TNFSF9: variants seen among roughly 807,000 people sequenced by gnomAD.
TNFSF9 encodes TNF superfamily member 9, also known as tumor necrosis factor ligand superfamily member 9.
Under a neutral mutation model 10.3 loss-of-function variants are expected in TNFSF9, and 10 were observed. The ratio of observed to expected loss-of-function variants is 0.97; its 90% CI spans 0.60 to 1.65. The LOEUF is 1.65. Among genes scored for constraint, TNFSF9 ranks in the 40% most tolerant of loss-of-function variants. The pLI is 0.00. For missense variants in TNFSF9, 361 were observed against 348.9 expected, an observed-to-expected ratio of 1.03 and a Z score of -0.28; for synonymous variants, 195 against 176.1, an observed-to-expected ratio of 1.11 and a Z score of -0.85.
At position 6,532,791 on chromosome 19, in the gene TNFSF9, G is replaced by A. The variant is rs1300662571; in HGVS notation, c.273G>A (p.Met91Ile). The A allele has an allele frequency of 1.9e-6, 3 of 1,613,678 alleles. No individual in the cohort carries two copies. Among genetic ancestry groups the A allele is most frequent in the African/African-American group, 2.7e-5 (2 of 74,880 alleles). The change falls in exon 2 of 3, where the codon ATG becomes ATA. Residue 91 changes from methionine to isoleucine, a missense_variant. Physicochemically the swap from Met to Ile is conservative, Grantham distance 10. Transcript: ENST00000245817. ...CTCCTTTCTACTTTTAACAGGGCAT[G>A]TTTGCGCAGCTGGTGGCCCAAAATG... ...PAGLLDLRQG[M>I]FAQLVAQNVL...
chr19:6,531,036 C>T lies in TNFSF9; in HGVS notation c.-1C>T. 6.2e-7 allele frequency: 1 copy of T among 1,608,856 alleles called. No individual in the cohort carries two copies. Among genetic ancestry groups the T allele is most frequent in the South Asian group, 1.1e-5 (1 of 90,968 alleles). ...GCTGTGTCTTCCCGCAGTCTCTCGT[C>T]ATGGAATACGCCTCTGACGCTTCAC... On this transcript the variant is annotated 5_prime_UTR_variant, in exon 1 of 3. Transcript: ENST00000245817.
In TNFSF9 at chr19:6,531,272, A is replaced by G; in HGVS notation, c.236A>G (p.Asp79Gly). The G allele has an allele frequency of 2.0e-6, 3 of 1,509,244 alleles. No individual in the cohort carries two copies. The highest frequency in any genetic ancestry group is 1.9e-4 in the Middle Eastern group (1 of 5,262). 93.5% of individuals were successfully genotyped at this position (1,509,244 alleles called of 1,614,324 possible). A position where few individuals can be genotyped will look rare whatever the true frequency, so the allele number is the denominator to read the frequency against. The change falls in exon 1 of 3, where the codon GAC (aspartate) becomes GGC (glycine). Residue 79 changes from aspartate (D) to glycine (G), a missense_variant. Asp to Gly is a moderately conservative substitution (Grantham distance 94). Transcript: ENST00000245817. Reference sequence around the variant, plus strand: ...CGCGAGGGTCCCGAGCTTTCGCCCGACGATCCCGCCGGCCTCTTGGACCTG... The same window carrying G: ...CGCGAGGGTCCCGAGCTTTCGCCCGGCGATCCCGCCGGCCTCTTGGACCTG... ...RLREGPELSP[D>G]DPAGLLDLRQ...
chr19:6,531,048 C>T lies in TNFSF9; in HGVS notation c.12C>T (p.Ala4=), dbSNP rs1220407936. 6.2e-7 allele frequency: 1 copy of T among 1,611,174 alleles called. No individual in the cohort carries two copies. The highest frequency in any genetic ancestry group is 8.5e-7 in the Non-Finnish European group (1 of 1,179,078). ...CGCAGTCTCTCGTCATGGAATACGC[C>T]TCTGACGCTTCACTGGACCCCGAAG... MEY[A]SDASLDPEAP... Residue 4 remains alanine, a synonymous_variant, in exon 1 of 3, where the codon GCC becomes GCT. Transcript: ENST00000245817.
At position 6,534,977 on chromosome 19, in the gene TNFSF9, T is replaced by C; in HGVS notation, c.676T>C (p.Trp226Arg). 6.2e-7 allele frequency: 1 copy of C among 1,610,898 alleles called. No individual in the cohort carries two copies. Among genetic ancestry groups the C allele is most frequent in the Non-Finnish European group, 8.5e-7 (1 of 1,178,816 alleles). Residue 226 changes from tryptophan (W) to arginine (R), a missense_variant, in exon 3 of 3, where the codon TGG becomes CGG. Physicochemically the swap from Trp to Arg is moderately radical, Grantham distance 101. Coordinates refer to ENST00000245817, the MANE Select transcript of TNFSF9 (RefSeq NM_003811.4). ...LHTEARARHA[W>R]QLTQGATVLG... Reference sequence around the variant, plus strand: ...CACTGAGGCCAGGGCACGCCATGCCTGGCAGCTTACCCAGGGCGCCACAGT... The same window carrying C: ...CACTGAGGCCAGGGCACGCCATGCCCGGCAGCTTACCCAGGGCGCCACAGT...
Position 6,531,027 on chromosome 19 carries a change from G to C in TNFSF9, c.-10G>C. 7 of 1,607,868 alleles carry C rather than the reference G, an allele frequency of 4.4e-6. No homozygotes were observed. The highest frequency in any genetic ancestry group is 5.9e-6 in the Non-Finnish European group (7 of 1,177,606). On this transcript the variant is annotated 5_prime_UTR_variant, in exon 1 of 3. Transcript: ENST00000245817. ...AAGCGGCGCGCTGTGTCTTCCCGCA[G>C]TCTCTCGTCATGGAATACGCCTCTG...
intron 1 of TNFSF9, among the ~76,000 whole-genome samples, chr19:6,531,931 C>G (rs1915154057): frequency 6.6e-6 from 1 of 152,180 alleles, no homozygotes; most frequent in Non-Finnish European, 1.5e-5. Flanking sequence ...CTCCGCGGTT[C>G]TCCAACCCTC....
Position 6,534,754 on chromosome 19 carries a change from C to CCGCAGCTTTCAACTAGAGCT in TNFSF9, c.453_454insCGCAGCTTTCAACTAGAGCT (p.Val152ArgfsTer37), listed in dbSNP as rs1915230015. 6.3e-7 allele frequency: 1 copy of CCGCAGCTTTCAACTAGAGCT among 1,598,744 alleles called. No individual in the cohort carries two copies. On this transcript the variant is annotated frameshift_variant, in exon 3 of 3. Coordinates refer to ENST00000245817, the MANE Select transcript of TNFSF9 (RefSeq NM_003811.4). LOFTEE classifies it low-confidence loss of function (END_TRUNC). ...TCTTCTTTCAACTAGAGCTGCGGCG[C>CCGCAGCTTTCAACTAGAGCT]GTGGTGGCCGGCGAGGGCTCAGGCT...
intron 1 of TNFSF9, among the ~76,000 whole-genome samples, chr19:6,531,966 A>G (rs1915154455): frequency 6.6e-6 from 1 of 151,950 alleles, no homozygotes; most frequent in Non-Finnish European, 1.5e-5. Flanking sequence ...TCTATGTAGG[A>G]CTTAGGACAT....
chr19:6,532,725 G>T (rs73550763), intron 1 of TNFSF9, 61 bp from the exon 2 acceptor site: 8 of 1,612,898 alleles, frequency 5.0e-6, no homozygotes, highest in Admixed American at 3.3e-5. Context: ...AGTGAGTGGG[G>T]ACAGAACCTC....
Position 6,535,117 on chromosome 19 carries a change from C to T in TNFSF9, c.*51C>T, listed in dbSNP as rs1286951140. The T allele has an allele frequency of 1.4e-6, 2 of 1,443,246 alleles. No individual in the cohort carries two copies. Among genetic ancestry groups the T allele is most frequent in the African/African-American group, 2.9e-5 (2 of 69,970 alleles). The allele number at this position is 1,443,246 out of a possible 1,614,324, so 89.4% of individuals were successfully genotyped here. A position where few individuals can be genotyped will look rare whatever the true frequency, so the allele number is the denominator to read the frequency against. ...GGACAGAGTCCGAATCCTACTCCATCCTTCATGGAGACCCCTGGTGCTGGG... is the reference window on the plus strand; with the variant it reads ...GGACAGAGTCCGAATCCTACTCCATTCTTCATGGAGACCCCTGGTGCTGGG... On this transcript the variant is annotated 3_prime_UTR_variant, in exon 3 of 3. Coordinates refer to ENST00000245817, the MANE Select transcript of TNFSF9 (RefSeq NM_003811.4).
chr19:6,535,102 C>T lies in TNFSF9; in HGVS notation c.*36C>T, dbSNP rs1477726284. On this transcript the variant is annotated 3_prime_UTR_variant, in exon 3 of 3. Transcript: ENST00000245817. ...GGGTGCAGCCCACCTGGACAGAGTC[C>T]GAATCCTACTCCATCCTTCATGGAG... 6.1e-6 allele frequency: 9 copies of T among 1,483,260 alleles called. No homozygotes were observed. Among genetic ancestry groups the T allele is most frequent in the African/African-American group, 1.4e-5 (1 of 71,162 alleles). 91.9% of individuals were successfully genotyped at this position (1,483,260 alleles called of 1,614,324 possible).
At chr19:6,534,487 G>GCC (rs1915221929) in intron 2 of TNFSF9, 113 bp from the exon 3 acceptor site, 1 of 752,262 alleles carries the variant, frequency 1.3e-6, no homozygotes, top group Non-Finnish European at 1.8e-6. Flanking sequence ...CCGCCCCCCG[G>GCC]CCCCTGACCC....
chr19:6,532,748 G>T (rs1480227630), intron 1 of TNFSF9, 38 bp from the exon 2 acceptor site: 22 of 1,613,544 alleles, frequency 1.4e-5, no homozygotes, highest in Non-Finnish European at 1.7e-5. Context: ...TTTTCTAGGG[G>T]AACCCCCATC....
chr19:6,532,853 C>A (rs367870700), intron 2 of TNFSF9, 37 bp downstream of exon 2: 1 of 1,613,414 alleles, frequency 6.2e-7, no homozygotes, highest in Non-Finnish European at 8.5e-7. Context: ...CCTGGCCCCC[C>A]ACCATCCCCA....
rs1235474474 is a variant in TNFSF9, at chr19:6,531,203, C to T, written c.167C>T (p.Ser56Phe). The change falls in exon 1 of 3, where the codon TCC (serine) becomes TTC (phenylalanine). Residue 56 changes from serine to phenylalanine, a missense_variant. Physicochemically the swap from Ser to Phe is radical, Grantham distance 155. Coordinates refer to ENST00000245817, the MANE Select transcript of TNFSF9 (RefSeq NM_003811.4). ...AVFLACPWAVSGARASPGSAA... is the reference protein window; with the variant it reads ...AVFLACPWAVFGARASPGSAA... ...TTCCTCGCCTGCCCCTGGGCCGTGT[C>T]CGGGGCTCGCGCCTCGCCCGGCTCC... 1 of 1,548,734 alleles carries T rather than the reference C, an allele frequency of 6.5e-7. No homozygotes were observed. The highest frequency in any genetic ancestry group is 8.7e-7 in the Non-Finnish European group (1 of 1,150,548).
chr19:6,534,494 A>T, intron 2 of TNFSF9, 106 bp from the exon 3 acceptor site: 2 of 692,216 alleles, frequency 2.9e-6, no homozygotes, highest in Non-Finnish European at 4.0e-6. Context: ...CCGGCCCCTG[A>T]CCCGTTCTTT....
Position 6,534,945 on chromosome 19 carries a change from A to G in TNFSF9, c.644A>G (p.His215Arg), listed in dbSNP as rs779554381. Residue 215 changes from histidine to arginine, a missense_variant, in exon 3 of 3, where the codon CAT becomes CGT. Transcript: ENST00000245817. ...HLSAGQRLGV[H>R]LHTEARARHA... The stretch of plus-strand genomic sequence containing the variant: ...AGTGCCGGCCAGCGCCTGGGCGTCC[A>G]TCTTCACACTGAGGCCAGGGCACGC... The G allele has an allele frequency of 1.2e-6, 2 of 1,611,360 alleles. No homozygotes were observed. Among genetic ancestry groups the G allele is most frequent in the South Asian group, 1.1e-5 (1 of 90,960 alleles).
Position 6,535,041 on chromosome 19 carries a change from G to T in TNFSF9, c.740G>T (p.Gly247Val). The T allele has an allele frequency of 6.3e-7, 1 of 1,578,482 alleles. No individual in the cohort carries two copies. Among genetic ancestry groups the T allele is most frequent in the South Asian group, 1.1e-5 (1 of 87,016 alleles). The change falls in exon 3 of 3, where the codon GGA (glycine) becomes GTA (valine). Residue 247 changes from glycine to valine, a missense_variant. Gly to Val is a moderately radical substitution (Grantham distance 109). Transcript: ENST00000245817. ...CGGGTGACCCCCGAAATCCCAGCCG[G>T]ACTCCCTTCACCGAGGTCGGAATAA... ...LFRVTPEIPA[G>V]LPSPRSE
chr19:6,532,734 T>G (rs1228004836), intron 1 of TNFSF9, 52 bp from the exon 2 acceptor site: 34 of 1,613,296 alleles, frequency 2.1e-5, no homozygotes, highest in Non-Finnish European at 2.8e-5. Context: ...GGACAGAACC[T>G]CCATTTTCTA....
Sources: allele counts gnomAD v4.1 joint callset (sites outside exome capture counted in the v4.1 genomes callset), GRCh38; gene constraint gnomAD v4.1.1; transcripts MANE v1.5; gene names NCBI Gene and HGNC (gene_info 2026-07-23, HGNC 2026-07-21).